Variants in UNC5D observed in about 807,000 individuals in gnomAD.
UNC5D encodes netrin receptor UNC5D.
UNC5D carries 39 observed loss-of-function variants against 105.4 expected under a neutral mutation model. The ratio of observed to expected loss-of-function variants is 0.37; its 90% confidence interval spans 0.29 to 0.48. The LOEUF (loss-of-function observed/expected upper bound fraction) is 0.48, where lower values mean the gene tolerates loss of function less well. Among genes scored for constraint, UNC5D ranks in the 20% least tolerant of loss-of-function variants. The probability of loss-of-function intolerance (pLI) is 0.98; values close to 1 mark genes in which losing one functional copy is unlikely to be tolerated. For missense variants in UNC5D, 991 were observed against 1,202.4 expected, an observed-to-expected ratio of 0.82 and a Z score of 2.60; for synonymous variants, 452 against 450.4, an observed-to-expected ratio of 1.00 and a Z score of -0.04.
chr8:35,594,990 ATGTTTGGT>A (rs1462350922), intron 3 of UNC5D, among the ~76,000 whole-genome samples: 10 of 152,238 alleles, frequency 6.6e-5, no homozygotes, highest in African/African-American at 2.4e-4. Context: ...TTGTAATTAT[ATGTTTGGT>A]TGGATAGGTT....
chr8:35,752,477 CT>C (rs1830333521), intron 13 of UNC5D, among the ~76,000 whole-genome samples: 1 of 152,128 alleles, frequency 6.6e-6, no homozygotes, highest in Non-Finnish European at 1.5e-5. Flanking sequence ...TGAACCGCCC[CT>C]GAGTATCTCT....
chr8:35,346,381 C>A (rs191874170), intron 1 of UNC5D, among the ~76,000 whole-genome samples: 12 of 152,070 alleles, frequency 7.9e-5, no homozygotes, highest in African/African-American at 2.4e-4. Flanking sequence ...GTTGGTGATA[C>A]ATGGAACTTC....
At chr8:35,403,617 C>T (rs1255944556) in intron 1 of UNC5D, among the ~76,000 whole-genome samples, 1 of 152,194 alleles carries the variant, frequency 6.6e-6, no homozygotes, top group Non-Finnish European at 1.5e-5. Context: ...CTGAAATACT[C>T]CAGTGACCAT....
chr8:35,251,690 A>G (rs1461395548), intron 1 of UNC5D, among the ~76,000 whole-genome samples: 1 of 152,234 alleles, frequency 6.6e-6, no homozygotes, highest in Non-Finnish European at 1.5e-5. Context: ...GGACAAGAAC[A>G]TAGGGGCCCA....
chr8:35,417,698 G>T lies in UNC5D; in HGVS notation c.104-131594G>T, dbSNP rs532614867. ...TAAACATGCTAATCTCTTTTCATTT[G>T]CTTATTTATTATGATGTCTTCACCT... On this transcript the variant is annotated intron_variant, in intron 1 of 16. Coordinates refer to ENST00000404895, the MANE Select transcript of UNC5D (RefSeq NM_080872.4). Among the ~76,000 whole-genome samples, 20 of 151,908 alleles carry T rather than the reference G, an allele frequency of 1.3e-4. No individual in the cohort carries two copies. In the East Asian group the frequency reaches 3.9e-3, roughly 29 times the overall value.
chr8:35,295,518 A>G (rs1244616489), intron 1 of UNC5D, among the ~76,000 whole-genome samples: 5 of 152,186 alleles, frequency 3.3e-5, no homozygotes, highest in Admixed American at 2.0e-4. Context: ...TTGCTTTTTA[A>G]AAAATGTTTT....
chr8:35,596,715 G>A (rs955402913), intron 4 of UNC5D, among the ~76,000 whole-genome samples: 1 of 152,188 alleles, frequency 6.6e-6, no homozygotes, highest in African/African-American at 2.4e-5. Context: ...GAAGCAGGGA[G>A]GGGGCTTCCA....
intron 1 of UNC5D, among the ~76,000 whole-genome samples, chr8:35,401,061 G>A (rs897501075): frequency 3.3e-5 from 5 of 152,016 alleles, no homozygotes; most frequent in African/African-American, 9.7e-5. Context: ...TATAATTATA[G>A]CAATGACAGC....
intron 1 of UNC5D, among the ~76,000 whole-genome samples, chr8:35,286,125 T>G (rs1806580258): frequency 6.6e-6 from 1 of 152,172 alleles, no homozygotes. Context: ...AAAGACATTA[T>G]CATCACAAAT....
At chr8:35,402,048 C>T (rs933725363) in intron 1 of UNC5D, among the ~76,000 whole-genome samples, 9 of 152,184 alleles carry the variant, frequency 5.9e-5, no homozygotes, top group Non-Finnish European at 1.2e-4. Context: ...TGTTTTTCTG[C>T]TCCGTGTGGA....
intron 1 of UNC5D, among the ~76,000 whole-genome samples, chr8:35,283,148 A>T (rs1806318585): frequency 6.6e-6 from 1 of 152,234 alleles, no homozygotes; most frequent in Admixed American, 6.5e-5. Flanking sequence ...AAATTAAAGC[A>T]AAACTATGTC....
In UNC5D at chr8:35,525,681, T is replaced by G. The variant is rs1392091315; in HGVS notation, c.104-23611T>G. 17 of 1,609,060 alleles carry G rather than the reference T, an allele frequency of 1.1e-5. 1 individual carries two copies. The African/African-American group carries it at 1.9e-4, about 18-fold the overall frequency. ...GGATTGGTAGTCAAAGGCTACCACC[T>G]CGCCCTGCAGCCGCTGCTCCTGGCA... On this transcript the variant is annotated intron_variant, in intron 1 of 16. Transcript: ENST00000404895.
Position 35,631,941 on chromosome 8 carries a change from C to T in UNC5D, c.570+36284C>T, listed in dbSNP as rs375179674. On this transcript the variant is annotated intron_variant, in intron 4 of 16. Transcript: ENST00000404895. ...GCCAGAACAATTAAGTGTTATGCAT[C>T]ATTTATCCAATACCCAAATGATCAG... 5.0e-4 allele frequency among the ~76,000 whole-genome samples: 76 copies of T among 152,308 alleles called. 1 individual carries two copies. The highest frequency in any genetic ancestry group is 1.7e-3 in the African/African-American group (71 of 41,574).
chr8:35,419,369 A>G, intron 1 of UNC5D, among the ~76,000 whole-genome samples: 1 of 152,126 alleles, frequency 6.6e-6, no homozygotes, highest in East Asian at 1.9e-4. Flanking sequence ...CTCAGCTCGC[A>G]CTACCAGCCC....
chr8:35,426,797 C>T (rs1806278891), intron 1 of UNC5D, among the ~76,000 whole-genome samples: 1 of 152,126 alleles, frequency 6.6e-6, no homozygotes, highest in Non-Finnish European at 1.5e-5. Context: ...GTTAGCTAGA[C>T]CTCTGAGATG....
At chr8:35,499,690 G>A (rs537757322) in intron 1 of UNC5D, among the ~76,000 whole-genome samples, 1 of 152,250 alleles carries the variant, frequency 6.6e-6, no homozygotes, top group Non-Finnish European at 1.5e-5. Context: ...TAGGGCCCAG[G>A]ACAAGCTCCA....
intron 1 of UNC5D, among the ~76,000 whole-genome samples, chr8:35,361,008 A>G (rs572139797): frequency 2.6e-5 from 4 of 152,308 alleles, no homozygotes; most frequent in Admixed American, 1.3e-4. Context: ...AAACATCAAA[A>G]GCACATTTGG....
intron 3 of UNC5D, among the ~76,000 whole-genome samples, chr8:35,575,237 C>G (rs1409906284): frequency 2.0e-5 from 3 of 152,096 alleles, no homozygotes; most frequent in Admixed American, 6.5e-5. Flanking sequence ...TACCCTTTTT[C>G]TTGACTCCTT....
At chr8:35,294,228 G>A (rs1295110471) in intron 1 of UNC5D, among the ~76,000 whole-genome samples, 1 of 152,132 alleles carries the variant, frequency 6.6e-6, no homozygotes, top group Non-Finnish European at 1.5e-5. Flanking sequence ...GTTAGCGTAT[G>A]CCTCCTGCCT....
Sources: allele counts gnomAD v4.1 joint callset (sites outside exome capture counted in the v4.1 genomes callset), GRCh38; gene constraint gnomAD v4.1.1; transcripts MANE v1.5; gene names NCBI Gene and HGNC (gene_info 2026-07-23, HGNC 2026-07-21).